Variants in MAOB observed in about 807,000 individuals in gnomAD.
The protein encoded by MAOB is amine oxidase [flavin-containing] B.
MAOB carries 15 observed loss-of-function variants against 41.9 expected under a neutral mutation model. The ratio of observed to expected loss-of-function variants is 0.36; its 90% CI spans 0.24 to 0.55. The LOEUF (loss-of-function observed/expected upper bound fraction) is 0.55, where lower values mean the gene tolerates loss of function less well. Ranked by LOEUF, MAOB falls within the 20% of genes least tolerant of loss-of-function variation. MAOB has a pLI of 0.86. For missense variants in MAOB, 345 were observed against 398.7 expected (o/e 0.87, Z 1.15); for synonymous variants, 167 against 144.2 (o/e 1.16, Z -1.13).
At chrX:43,793,073 G>A (rs2034482588) in intron 8 of MAOB, among the ~76,000 whole-genome samples, 1 of 112,235 alleles carries the variant, frequency 8.9e-6, no homozygotes, top group Admixed American at 9.4e-5. Context: ...GTGAATCAAT[G>A]TAGAAACAGA....
At chrX:43,784,325 A>T (rs773443268) in intron 8 of MAOB, among the ~76,000 whole-genome samples, 1 of 112,632 alleles carries the variant, frequency 8.9e-6, no homozygotes, top group South Asian at 3.7e-4. Context: ...ACTGTAAGGC[A>T]GGTATAGCTT....
chrX:43,863,365 T>C (rs1247393169), intron 1 of MAOB, among the ~76,000 whole-genome samples: 4 of 111,493 alleles, frequency 3.6e-5, no homozygotes, highest in Non-Finnish European at 5.7e-5. Context: ...ATATGGAAAA[T>C]GCTTATAATA....
intron 5 of MAOB, among the ~76,000 whole-genome samples, chrX:43,801,805 C>T (rs1470313416): frequency 8.9e-6 from 1 of 112,981 alleles, no homozygotes; most frequent in Admixed American, 9.3e-5. Flanking sequence ...CACATGCTAA[C>T]CATCTCCACA....
intron 3 of MAOB, among the ~76,000 whole-genome samples, chrX:43,813,925 G>C (rs983687379): frequency 2.7e-5 from 3 of 111,355 alleles, no homozygotes; most frequent in Non-Finnish European, 5.6e-5. Context: ...TGAAGACAAA[G>C]TAGCAGGGAA....
chrX:43,815,877 C>T (rs971285953), intron 3 of MAOB, among the ~76,000 whole-genome samples: 1 of 112,022 alleles, frequency 8.9e-6, no homozygotes, highest in African/African-American at 3.2e-5. Context: ...AAATGTTCTC[C>T]AAACACATAC....
chrX:43,811,171 A>C (rs2034742054), intron 3 of MAOB, among the ~76,000 whole-genome samples: 1 of 111,457 alleles, frequency 9.0e-6, no homozygotes, highest in Non-Finnish European at 1.9e-5. Context: ...TGGGTCACAC[A>C]TCCATTACTA....
chrX:43,835,979 T>C (rs984804529), intron 3 of MAOB, among the ~76,000 whole-genome samples: 2 of 111,847 alleles, frequency 1.8e-5, no homozygotes, highest in Admixed American at 9.5e-5. Flanking sequence ...GATCTGACAA[T>C]ATGGCAAGTA....
At chrX:43,795,959 C>T in intron 6 of MAOB, 71 bp from the exon 7 acceptor site, 1 of 1,046,941 alleles carries the variant, frequency 9.6e-7, no homozygotes, top group Non-Finnish European at 1.3e-6. Context: ...TAGTTGTCCT[C>T]ACATATGTCT....
intron 2 of MAOB, among the ~76,000 whole-genome samples, chrX:43,839,341 G>C (rs1042914724): frequency 8.9e-6 from 1 of 112,111 alleles, no homozygotes; most frequent in Non-Finnish European, 1.9e-5. Flanking sequence ...TCAGGTGAAT[G>C]TTGAGGAGCC....
intron 7 of MAOB, among the ~76,000 whole-genome samples, chrX:43,794,056 T>C (rs2147133140): frequency 8.9e-6 from 1 of 111,734 alleles, no homozygotes; most frequent in African/African-American, 3.2e-5. Context: ...TTTGTATTTT[T>C]AGTAAAGACA....
chrX:43,828,648 C>T (rs2034978226), intron 3 of MAOB, among the ~76,000 whole-genome samples: 2 of 111,511 alleles, frequency 1.8e-5, no homozygotes, highest in Admixed American at 9.5e-5. Context: ...TTTTCCTTGT[C>T]TTTTTTGAGA....
At chrX:43,805,481 C>A (rs182876813) in intron 3 of MAOB, among the ~76,000 whole-genome samples, 1 of 111,682 alleles carries the variant, frequency 9.0e-6, no homozygotes, top group African/African-American at 3.2e-5. Flanking sequence ...CCTGGGCAAC[C>A]ACTGTTCAGT....
chrX:43,849,841 T>C (rs1157599142), intron 1 of MAOB, among the ~76,000 whole-genome samples: 1 of 112,842 alleles, frequency 8.9e-6, no homozygotes, highest in Non-Finnish European at 1.9e-5. Context: ...TAGTGATCAG[T>C]GTCTGTATAA....
At chrX:43,854,366 C>T (rs980114058) in intron 1 of MAOB, among the ~76,000 whole-genome samples, 18 of 112,125 alleles carry the variant, frequency 1.6e-4, no homozygotes, top group African/African-American at 5.5e-4. Flanking sequence ...TTTGCAGGAA[C>T]GTGGATGAAG....
At chrX:43,880,789 T>C (rs1280141154) in intron 1 of MAOB, among the ~76,000 whole-genome samples, 2 of 111,520 alleles carry the variant, frequency 1.8e-5, no homozygotes, top group African/African-American at 6.5e-5. Flanking sequence ...GAAGGGAAAA[T>C]AGAAAAATCT....
chrX:43,769,566 C>A (rs777190453), intron 12 of MAOB, 148 bp from the exon 13 acceptor site: 21 of 950,909 alleles, frequency 2.2e-5, no homozygotes, highest in Non-Finnish European at 2.9e-5. Flanking sequence ...TATGTGGTTC[C>A]TCCAGCTCTT....
chrX:43,874,960 G>A (rs2035430709), intron 1 of MAOB, among the ~76,000 whole-genome samples: 1 of 111,785 alleles, frequency 8.9e-6, no homozygotes, highest in Non-Finnish European at 1.9e-5. Context: ...AGTTTCCTGA[G>A]GCTGGGAACT....
intron 3 of MAOB, among the ~76,000 whole-genome samples, chrX:43,804,166 T>C (rs2034633433): frequency 9.0e-6 from 1 of 111,644 alleles, no homozygotes; most frequent in Non-Finnish European, 1.9e-5. Flanking sequence ...AGGTCGTGCA[T>C]TCTGATAGCA....
intron 3 of MAOB, among the ~76,000 whole-genome samples, chrX:43,804,272 T>A (rs2034634535): frequency 9.0e-6 from 1 of 111,410 alleles, no homozygotes; most frequent in African/African-American, 3.3e-5. Context: ...TCTGTTGATG[T>A]TGTACAGGCA....
Sources: allele counts gnomAD v4.1 joint callset (sites outside exome capture counted in the v4.1 genomes callset), GRCh38; gene constraint gnomAD v4.1.1; transcripts MANE v1.5; gene names NCBI Gene and HGNC (gene_info 2026-07-23, HGNC 2026-07-21).